Variants in ADAMTS12 observed in about 807,000 individuals in gnomAD.
ADAMTS12 encodes the protein ADAM metallopeptidase with thrombospondin type 1 motif 12, also known as A disintegrin and metalloproteinase with thrombospondin motifs 12.
ADAMTS12 carries 118 observed loss-of-function variants against 167.8 expected under a neutral mutation model. The ratio of observed to expected loss-of-function variants is 0.70; its 90% CI spans 0.61 to 0.82. ADAMTS12 has a LOEUF of 0.82. Ranked by LOEUF, ADAMTS12 falls within the 40% of genes least tolerant of loss-of-function variation. The pLI, the probability that ADAMTS12 is intolerant of heterozygous loss-of-function variation, is 0.00. For missense variants in ADAMTS12, 1,916 were observed against 1,998.8 expected, an observed-to-expected ratio of 0.96 and a Z score of 0.79; for synonymous variants, 704 against 716.9, an observed-to-expected ratio of 0.98 and a Z score of 0.29.
At chr5:33,657,875 A>T (rs1421703215) in intron 7 of ADAMTS12, among the ~76,000 whole-genome samples, 2 of 152,152 alleles carry the variant, frequency 1.3e-5, no homozygotes, top group African/African-American at 4.8e-5. Context: ...GTTATTCCTC[A>T]ATTAAACAAC....
intron 2 of ADAMTS12, among the ~76,000 whole-genome samples, chr5:33,787,447 T>G (rs184430940): frequency 8.5e-5 from 13 of 152,366 alleles, no homozygotes; most frequent in Admixed American, 8.5e-4. Flanking sequence ...CCAGCATTTG[T>G]GGACAAAACC....
chr5:33,674,370 T>C (rs1196069209), intron 5 of ADAMTS12, among the ~76,000 whole-genome samples: 1 of 152,210 alleles, frequency 6.6e-6, no homozygotes, highest in South Asian at 2.1e-4. Context: ...AGATTCTACA[T>C]GGGTGTCTCG....
At chr5:33,528,871 C>T (rs2111721806) in intron 23 of ADAMTS12, among the ~76,000 whole-genome samples, 1 of 152,176 alleles carries the variant, frequency 6.6e-6, no homozygotes, top group Non-Finnish European at 1.5e-5. Flanking sequence ...ATGGTGAAAC[C>T]CCGTCTCTAC....
chr5:33,850,692 T>C (rs1045979610), intron 2 of ADAMTS12, among the ~76,000 whole-genome samples: 1 of 152,202 alleles, frequency 6.6e-6, no homozygotes, highest in Non-Finnish European at 1.5e-5. Flanking sequence ...CTCACCTTCA[T>C]ATTTTTTGAC....
chr5:33,598,714 T>C (rs1360180233), intron 16 of ADAMTS12, among the ~76,000 whole-genome samples: 1 of 152,228 alleles, frequency 6.6e-6, no homozygotes, highest in Non-Finnish European at 1.5e-5. Context: ...ATGATATTAG[T>C]TCATATTGCC....
chr5:33,705,540 C>T (rs1054064724), intron 3 of ADAMTS12, among the ~76,000 whole-genome samples: 4 of 152,054 alleles, frequency 2.6e-5, no homozygotes, highest in Non-Finnish European at 4.4e-5. Context: ...GGGCCAGGCA[C>T]GGTGGCTCAA....
At chr5:33,724,280 G>A (rs1263258361) in intron 3 of ADAMTS12, among the ~76,000 whole-genome samples, 1 of 152,162 alleles carries the variant, frequency 6.6e-6, no homozygotes, top group Non-Finnish European at 1.5e-5. Flanking sequence ...AGAAACTCTG[G>A]TTGATTGGGA....
intron 3 of ADAMTS12, among the ~76,000 whole-genome samples, chr5:33,727,550 C>A (rs1579879750): frequency 6.6e-6 from 1 of 152,216 alleles, no homozygotes; most frequent in Admixed American, 6.5e-5. Context: ...GTTGTAAACA[C>A]ATGAATATTA....
chr5:33,889,431 GC>G (rs1332379894), intron 1 of ADAMTS12, among the ~76,000 whole-genome samples: 1 of 152,190 alleles, frequency 6.6e-6, no homozygotes, highest in African/African-American at 2.4e-5. Context: ...TATTTGTGAG[GC>G]TGTAGGTAGG....
chr5:33,704,892 A>C (rs11951812), intron 3 of ADAMTS12, among the ~76,000 whole-genome samples: 92,746 of 151,962 alleles, frequency 0.61, 29,482 homozygotes, highest in Non-Finnish European at 0.69. Context: ...TGGTTTTATA[A>C]GCAAGAAATC....
chr5:33,785,770 G>C (rs1460393798), intron 2 of ADAMTS12, among the ~76,000 whole-genome samples: 1 of 152,152 alleles, frequency 6.6e-6, no homozygotes, highest in Non-Finnish European at 1.5e-5. Context: ...CTTCTCAAAA[G>C]ACTAACATAG....
chr5:33,816,762 C>A (rs973215710), intron 2 of ADAMTS12, among the ~76,000 whole-genome samples: 1 of 152,148 alleles, frequency 6.6e-6, no homozygotes, highest in Admixed American at 6.6e-5. Flanking sequence ...GGTACATCAA[C>A]TGAGGATGAG....
At chr5:33,540,059 G>A (rs1033495055) in intron 22 of ADAMTS12, among the ~76,000 whole-genome samples, 1 of 152,246 alleles carries the variant, frequency 6.6e-6, no homozygotes, top group Non-Finnish European at 1.5e-5. Flanking sequence ...CTATCCAAGG[G>A]AAGCCATGAC....
Position 33,624,366 on chromosome 5 carries a change from G to A in ADAMTS12, c.2023-15C>T, listed in dbSNP as rs202189005. On this transcript the variant is annotated splice_polypyrimidine_tract_variant and intron_variant, in intron 13 of 23. Coordinates refer to ENST00000504830, the MANE Select transcript of ADAMTS12 (RefSeq NM_030955.4). ...CAGCCAACCATCTGTGGGGAAGAGA[G>A]GTGGAGGATGAATGCCCAGGCAGGG... 26 of 1,613,636 alleles carry A rather than the reference G, an allele frequency of 1.6e-5. No individual in the cohort carries two copies. In the East Asian group the frequency reaches 5.8e-4, roughly 36 times the overall value.
chr5:33,531,800 C>T (rs373311422), intron 23 of ADAMTS12, among the ~76,000 whole-genome samples: 21 of 152,298 alleles, frequency 1.4e-4, no homozygotes, highest in African/African-American at 4.6e-4. Flanking sequence ...CCTTGCTTTT[C>T]AATAGTCCTT....
intron 2 of ADAMTS12, among the ~76,000 whole-genome samples, chr5:33,833,378 C>T (rs1270259224): frequency 6.6e-6 from 1 of 152,180 alleles, no homozygotes; most frequent in African/African-American, 2.4e-5. Flanking sequence ...ATAATCATTG[C>T]AACATGAATT....
chr5:33,829,011 C>T (rs1748199190), intron 2 of ADAMTS12, among the ~76,000 whole-genome samples: 1 of 152,148 alleles, frequency 6.6e-6, no homozygotes, highest in African/African-American at 2.4e-5. Context: ...CTTGTCAGCC[C>T]TGGTAACACT....
intron 19 of ADAMTS12, among the ~76,000 whole-genome samples, chr5:33,568,811 G>GC (rs980732128): frequency 1.4e-4 from 22 of 152,354 alleles, no homozygotes; most frequent in Admixed American, 1.2e-3. Context: ...CTCGGGAAGC[G>GC]CAAGGGGTCA....
At chr5:33,663,665 A>C (rs4544826) in intron 5 of ADAMTS12, among the ~76,000 whole-genome samples, 1 of 151,970 alleles carries the variant, frequency 6.6e-6, no homozygotes, top group East Asian at 1.9e-4. Flanking sequence ...AAAGAATATA[A>C]AAAAGGTTCC....
Sources: gnomAD v4.1 joint callset for allele counts (sites outside exome capture counted in the v4.1 genomes callset) on GRCh38, gnomAD v4.1.1 for gene constraint, MANE v1.5 for transcripts, NCBI Gene and HGNC (gene_info 2026-07-23, HGNC 2026-07-21) for gene names.